RO60: variants seen among roughly 807,000 people sequenced by gnomAD.
The protein encoded by RO60 is RNA-binding protein RO60.
Under a neutral mutation model 55.3 loss-of-function variants are expected in RO60, and 20 were observed. The ratio of observed to expected loss-of-function variants is 0.36; its 90% confidence interval spans 0.25 to 0.53. The LOEUF (loss-of-function observed/expected upper bound fraction) is 0.53, where lower values mean the gene tolerates loss of function less well. Among genes scored for constraint, RO60 ranks in the 20% least tolerant of loss-of-function variants. The pLI is 0.92. For missense variants in RO60, 558 were observed against 646.6 expected, an observed-to-expected ratio of 0.86 and a Z score of 1.49; for synonymous variants, 213 against 213.6, an observed-to-expected ratio of 1.00 and a Z score of 0.02.
chr1:193,085,527 G>T lies in RO60; in HGVS notation c.*796G>T. 2 of 984,386 alleles carry T rather than the reference G, an allele frequency of 2.0e-6. No individual in the cohort carries two copies. Among genetic ancestry groups the T allele is most frequent in the Non-Finnish European group, 2.4e-6 (2 of 829,688 alleles). 61.0% of individuals were successfully genotyped at this position (984,386 alleles called of 1,614,324 possible). ...ATTTCCTCTGAATTATAATAACATA[G>T]CCAGATGTAGTCTCACACTGTTTTT... On this transcript the variant is annotated 3_prime_UTR_variant, in exon 9 of 9. Coordinates refer to ENST00000400968, the MANE Select transcript of RO60 (RefSeq NM_001173524.2).
Position 193,076,526 on chromosome 1 carries a change from TGC to T in RO60, c.828_829del (p.Met276IlefsTer15). ...GTATGGAAGGCTTTGTTACAAGAAA[TGC>T]CGCTTACTGCATTACTAAGGAATCT... On this transcript the variant is annotated frameshift_variant, in exon 4 of 9. Coordinates refer to ENST00000400968, the MANE Select transcript of RO60 (RefSeq NM_001173524.2). LOFTEE classifies it high-confidence loss of function. 1 of 1,611,468 alleles carries T rather than the reference TGC, an allele frequency of 6.2e-7. No homozygotes were observed. Among genetic ancestry groups the T allele is most frequent in the Non-Finnish European group, 8.5e-7 (1 of 1,179,116 alleles).
At chr1:193,079,006 C>G (rs1189661998) in intron 5 of RO60, among the ~76,000 whole-genome samples, 2 of 151,088 alleles carry the variant, frequency 1.3e-5, no homozygotes, top group East Asian at 3.9e-4. Context: ...CAGTGTGGCA[C>G]TGGCAAAAGA....
chr1:193,072,070 C>G (rs1363266161), intron 2 of RO60, among the ~76,000 whole-genome samples: 2 of 152,084 alleles, frequency 1.3e-5, no homozygotes, highest in African/African-American at 4.8e-5. Context: ...ATGGCACAAT[C>G]TAGGCTCACT....
In RO60 at chr1:193,077,122, G is replaced by C. The variant is rs1338196362; in HGVS notation, c.1086+72G>C. 1.3e-5 allele frequency: 18 copies of C among 1,399,754 alleles called. No individual in the cohort carries two copies. In the South Asian group the frequency reaches 2.1e-4, roughly 16 times the overall value. The allele number at this position is 1,399,754 out of a possible 1,614,324, so 86.7% of individuals were successfully genotyped here. On this transcript the variant is annotated intron_variant, in intron 5 of 8. Transcript: ENST00000400968. Reference sequence around the variant, plus strand: ...ATCTTTTGTAATAATACATTTTAAAGGTAGTATTAATAGTTTAATCATTTT... The same window carrying C: ...ATCTTTTGTAATAATACATTTTAAACGTAGTATTAATAGTTTAATCATTTT...
At chr1:193,079,081 C>CTTTTTTTTTTTT (rs745317535) in intron 5 of RO60, among the ~76,000 whole-genome samples, 1 of 85,934 alleles carries the variant, frequency 1.2e-5, no homozygotes, top group African/African-American at 4.3e-5. Context: ...GTTCAGTTGA[C>CTTTTTTTTTTTT]TTTTTTTTTT....
chr1:193,074,991 C>T (rs1200799661), intron 2 of RO60, among the ~76,000 whole-genome samples: 1 of 152,100 alleles, frequency 6.6e-6, no homozygotes, highest in East Asian at 1.9e-4. Context: ...AAACCCCTGA[C>T]CTCAGGTGAT....
rs763832737 is a variant in RO60 at position 193,075,810 on chromosome 1, CT to C, written c.581-8del. 7.6e-6 allele frequency: 12 copies of C among 1,571,692 alleles called. No individual in the cohort carries two copies. Among genetic ancestry groups the C allele is most frequent in the Non-Finnish European group, 8.6e-6 (10 of 1,160,360 alleles). On this transcript the variant is annotated splice_polypyrimidine_tract_variant and intron_variant, in intron 2 of 8. Transcript: ENST00000400968. ...CCTGCATGCTTTTTCAATTCTTTAT[CT>C]TGTTAAAGGACTTGCAATTGTGACC...
intron 5 of RO60, among the ~76,000 whole-genome samples, chr1:193,077,783 C>A (rs1394555167): frequency 6.6e-6 from 1 of 152,114 alleles, no homozygotes; most frequent in Non-Finnish European, 1.5e-5. Context: ...AAGGTCCCAC[C>A]TTCAACATTG....
intron 2 of RO60, among the ~76,000 whole-genome samples, chr1:193,070,329 G>A (rs116530953): frequency 0.011 from 1,676 of 152,268 alleles, 19 homozygotes; most frequent in Non-Finnish European, 0.016. Context: ...AATTCAGGAA[G>A]TTAATTGTCT....
rs1165319502 is a variant in RO60 at position 193,085,045 on chromosome 1, G to A, written c.*314G>A. On this transcript the variant is annotated 3_prime_UTR_variant, in exon 9 of 9. Coordinates refer to ENST00000400968, the MANE Select transcript of RO60 (RefSeq NM_001173524.2). Reference sequence around the variant, plus strand: ...ATACGTGTGTACCTAAAAGAGGTAAGAGCAAAAAGTGTAATTCCACATCAT... The same window carrying A: ...ATACGTGTGTACCTAAAAGAGGTAAAAGCAAAAAGTGTAATTCCACATCAT... The A allele has an allele frequency of 1.3e-6, 2 of 1,521,060 alleles. No homozygotes were observed. The highest frequency in any genetic ancestry group is 8.8e-7 in the Non-Finnish European group (1 of 1,139,084). 94.2% of individuals were successfully genotyped at this position (1,521,060 alleles called of 1,614,324 possible). A position where few individuals can be genotyped will look rare whatever the true frequency, so the allele number is the denominator to read the frequency against.
intron 2 of RO60, among the ~76,000 whole-genome samples, chr1:193,074,805 G>A (rs1400020073): frequency 1.3e-5 from 2 of 152,156 alleles, no homozygotes; most frequent in Non-Finnish European, 2.9e-5. Flanking sequence ...TGAAGTCCTT[G>A]CCCACGCCTA....
chr1:193,076,754 A>G, intron 4 of RO60, 107 bp downstream of exon 4: 9 of 1,360,240 alleles, frequency 6.6e-6, no homozygotes, highest in Admixed American at 2.4e-5. Flanking sequence ...GATGTTCATT[A>G]TACCAAATTG....
intron 8 of RO60, among the ~76,000 whole-genome samples, chr1:193,082,912 G>A (rs973207517): frequency 6.6e-6 from 1 of 151,738 alleles, no homozygotes; most frequent in Admixed American, 6.6e-5. Flanking sequence ...CTACAGGAGC[G>A]TGCCACCATG....
chr1:193,079,817 T>C (rs183875047), intron 5 of RO60, among the ~76,000 whole-genome samples: 6 of 152,064 alleles, frequency 3.9e-5, no homozygotes, highest in Non-Finnish European at 5.9e-5. Flanking sequence ...TCTAATGATA[T>C]ACAAATGAGT....
rs762370894 is a variant in RO60, at chr1:193,086,158, G to C, written c.*1427G>C. On this transcript the variant is annotated 3_prime_UTR_variant, in exon 9 of 9. Coordinates refer to ENST00000400968, the MANE Select transcript of RO60 (RefSeq NM_001173524.2). ...AGTTAATGTAAATTATAGCCTTTTA[G>C]GTGCTTGGGGGTTAGAGGGTTTATG... 4.5e-5 allele frequency: 21 copies of C among 467,846 alleles called. No homozygotes were observed. The highest frequency in any genetic ancestry group is 5.6e-5 in the Non-Finnish European group (20 of 357,542). 29.0% of individuals were successfully genotyped at this position (467,846 alleles called of 1,614,324 possible).
intron 2 of RO60, 106 bp downstream of exon 2, chr1:193,069,740 C>A: frequency 2.3e-6 from 2 of 879,852 alleles, no homozygotes; most frequent in Non-Finnish European, 3.3e-6. Context: ...CTAGAAATAG[C>A]CTTTTATTCT....
rs1673875759 is a variant in RO60 at position 193,075,836 on chromosome 1, C to A, written c.597C>A (p.Thr199=). The change falls in exon 3 of 9, where the codon ACC becomes ACA. Residue 199 remains threonine (T), a synonymous_variant. Transcript: ENST00000400968. The stretch of plus-strand genomic sequence containing the variant: ...TTGTTAAAGGACTTGCAATTGTGAC[C>A]AAATATATTACAAAGGGCTGGAAAG... The part of the protein sequence containing the change: ...KPSSEGLAIV[T]KYITKGWKEV... The A allele has an allele frequency of 6.2e-7, 1 of 1,602,576 alleles. No homozygotes were observed. Among genetic ancestry groups the A allele is most frequent in the South Asian group, 1.1e-5 (1 of 88,694 alleles).
intron 2 of RO60, among the ~76,000 whole-genome samples, chr1:193,071,008 G>A (rs1252573850): frequency 2.0e-5 from 3 of 152,316 alleles, no homozygotes; most frequent in South Asian, 2.1e-4. Context: ...GACTGGTTTT[G>A]TGGAAGACAG....
At chr1:193,061,617 G>A (rs1672744210) in intron 1 of RO60, among the ~76,000 whole-genome samples, 1 of 152,240 alleles carries the variant, frequency 6.6e-6, no homozygotes, top group Admixed American at 6.5e-5. Context: ...AGCATTTCCT[G>A]ATTTTGCATT....
Sources: gnomAD v4.1 joint callset for allele counts (sites outside exome capture counted in the v4.1 genomes callset) on GRCh38, gnomAD v4.1.1 for gene constraint, MANE v1.5 for transcripts, NCBI Gene and HGNC (gene_info 2026-07-23, HGNC 2026-07-21) for gene names.